APELA: variants seen among roughly 807,000 people sequenced by gnomAD.
The protein encoded by APELA is protein Elabela.
At chr4:164,894,198 G>A (rs773208888) in intron 2 of APELA, among the ~76,000 whole-genome samples, 4 of 151,964 alleles carry the variant, frequency 2.6e-5, no homozygotes, top group South Asian at 2.1e-4. Flanking sequence ...CGTGGCGCAC[G>A]CCTGTAATCC....
chr4:164,897,775 C>A (rs34843433), downstream of APELA, among the ~76,000 whole-genome samples: 10,122 of 152,282 alleles, frequency 0.066, 962 homozygotes, highest in African/African-American at 0.21. Flanking sequence ...GCTTGTTGAC[C>A]TACCAGAACA....
At chr4:164,878,371 C>A (rs1417820013) in intron 1 of APELA, among the ~76,000 whole-genome samples, 2 of 152,102 alleles carry the variant, frequency 1.3e-5, no homozygotes, top group East Asian at 1.9e-4. Flanking sequence ...AAAATTCAGA[C>A]TTTGCTTTTT....
At chr4:164,898,267 C>T (rs1328554727), downstream of APELA, among the ~76,000 whole-genome samples, 1 of 150,944 alleles carries the variant, frequency 6.6e-6, no homozygotes, top group Non-Finnish European at 1.5e-5. Flanking sequence ...TTTGGGAGGC[C>T]GAGGATGGTG....
chr4:164,899,007 A>T (rs770726733), downstream of APELA: 16 of 152,142 alleles, frequency 1.1e-4, no homozygotes, highest in Non-Finnish European at 2.1e-4. Context: ...TAAACACAGG[A>T]TATCAGGAGT....
chr4:164,898,093 G>A (rs926523775), downstream of APELA, among the ~76,000 whole-genome samples: 28 of 152,052 alleles, frequency 1.8e-4, no homozygotes, highest in East Asian at 1.6e-3. Context: ...GGTTCACCAC[G>A]TTGGCCAGGC....
intron 2 of APELA, among the ~76,000 whole-genome samples, chr4:164,894,191 G>A (rs961034900): frequency 1.3e-5 from 2 of 152,066 alleles, no homozygotes; most frequent in Admixed American, 6.6e-5. Context: ...CAGGTGTCGT[G>A]GCGCACGCCT....
rs571587151 is a variant in APELA at position 164,882,397 on chromosome 4, C to T, written c.*1+3388C>T. ...GGGATTACAGGCATGAGCCACTGCG[C>T]CTGGTCTAGCTAGCTTTTTAATAAC... On this transcript the variant is annotated intron_variant, in intron 2 of 2. Coordinates refer to ENST00000507152, the MANE Select transcript of APELA (RefSeq NM_001297550.2). Among the ~76,000 whole-genome samples, 9 of 152,212 alleles carry T rather than the reference C, an allele frequency of 5.9e-5. No individual in the cohort carries two copies. The South Asian group carries it at 1.7e-3, about 28-fold the overall frequency.
chr4:164,890,409 C>G (rs991862057), intron 2 of APELA, among the ~76,000 whole-genome samples: 1 of 152,176 alleles, frequency 6.6e-6, no homozygotes, highest in Non-Finnish European at 1.5e-5. Context: ...CCATTTCTCC[C>G]CAGCTGTTCA....
At chr4:164,878,891 C>T (rs1390840782) in intron 1 of APELA, 29 bp from the exon 2 acceptor site, 1 of 398,910 alleles carries the variant, frequency 2.5e-6, no homozygotes, top group Non-Finnish European at 4.4e-6. Flanking sequence ...CTGAAAAATG[C>T]TCCTAATACT....
At chr4:164,888,004 C>T (rs1026709776) in intron 2 of APELA, among the ~76,000 whole-genome samples, 4 of 152,152 alleles carry the variant, frequency 2.6e-5, no homozygotes, top group African/African-American at 7.2e-5. Flanking sequence ...AAAGTCCCTT[C>T]CCTTCAATTC....
intron 1 of APELA, among the ~76,000 whole-genome samples, chr4:164,877,987 G>T (rs1012164648): frequency 1.3e-5 from 2 of 151,888 alleles, no homozygotes; most frequent in African/African-American, 4.8e-5. Flanking sequence ...GTATGATAAA[G>T]ATACATAATA....
chr4:164,893,481 T>C (rs1730917164), intron 2 of APELA, among the ~76,000 whole-genome samples: 1 of 152,196 alleles, frequency 6.6e-6, no homozygotes, highest in Non-Finnish European at 1.5e-5. Flanking sequence ...TTGCTTCATG[T>C]ATTTTAGGGC....
chr4:164,898,767 A>T (rs897392145), downstream of APELA: 7 of 152,096 alleles, frequency 4.6e-5, no homozygotes, highest in Non-Finnish European at 4.4e-5. Flanking sequence ...TGTACATTTG[A>T]TCAGAAGAAA....
At chr4:164,893,401 C>A (rs1730916557) in intron 2 of APELA, among the ~76,000 whole-genome samples, 1 of 151,972 alleles carries the variant, frequency 6.6e-6, no homozygotes, top group Non-Finnish European at 1.5e-5. Flanking sequence ...TCTCAAATTT[C>A]TTTTGTTATT....
intron 2 of APELA, among the ~76,000 whole-genome samples, chr4:164,886,211 A>T (rs1384955817): frequency 6.6e-6 from 1 of 152,150 alleles, no homozygotes; most frequent in African/African-American, 2.4e-5. Flanking sequence ...GTGGGCTGAA[A>T]TATCTGCAGG....
At chr4:164,884,425 G>C (rs547741858) in intron 2 of APELA, among the ~76,000 whole-genome samples, 1 of 152,266 alleles carries the variant, frequency 6.6e-6, no homozygotes, top group African/African-American at 2.4e-5. Context: ...TGAATCCAGT[G>C]AATGTGTTTC....
At position 164,893,347 on chromosome 4, in the gene APELA, G is replaced by T. The variant is rs573155213; in HGVS notation, c.*2-2069G>T. ...CCTTCTGAGTCTTCTTTGAGTTACT[G>T]GTTGTTTAGGAGTGTGTTGTTAATT... On this transcript the variant is annotated intron_variant, in intron 2 of 2. Transcript: ENST00000507152. Among the ~76,000 whole-genome samples the T allele has an allele frequency of 9.2e-5, 14 of 152,128 alleles. No individual in the cohort carries two copies. In the South Asian group the frequency reaches 2.9e-3, roughly 32 times the overall value.
intron 2 of APELA, among the ~76,000 whole-genome samples, chr4:164,887,043 G>A (rs1730787624): frequency 6.6e-6 from 1 of 151,992 alleles, no homozygotes; most frequent in Non-Finnish European, 1.5e-5. Context: ...GGCCAAGCGG[G>A]TCTCAAACTC....
chr4:164,882,925 T>A (rs2111053305), intron 2 of APELA, among the ~76,000 whole-genome samples: 1 of 152,328 alleles, frequency 6.6e-6, no homozygotes, highest in Non-Finnish European at 1.5e-5. Context: ...CATGAACTCA[T>A]CATTTTTTAT....
Sources: gnomAD v4.1 joint callset for allele counts (sites outside exome capture counted in the v4.1 genomes callset) on GRCh38, gnomAD v4.1.1 for gene constraint, MANE v1.5 for transcripts, NCBI Gene and HGNC (gene_info 2026-07-23, HGNC 2026-07-21) for gene names.